GAD2: variants seen among roughly 807,000 people sequenced by gnomAD.
GAD2 encodes 65 kDa glutamic acid decarboxylase.
In GAD2, 22 loss-of-function variants were observed where a neutral mutation model predicts 80.1. The ratio of observed to expected loss-of-function variants is 0.27; its 90% CI spans 0.20 to 0.39. The LOEUF (loss-of-function observed/expected upper bound fraction) is 0.39. GAD2 is among the 10% of genes least tolerant of loss of function. The pLI is 1.00. For missense variants in GAD2, 624 were observed against 738.4 expected (o/e 0.85, Z 1.80); for synonymous variants, 274 against 256.9 (o/e 1.07, Z -0.64).
Position 26,236,754 on chromosome 10 carries a change from C to T in GAD2, c.840+6977C>T, listed in dbSNP as rs79156593. The stretch of plus-strand genomic sequence containing the variant: ...ACTTCCACAAAATGTATTGCTCCCC[C>T]CTTAGTCGGAACTGACAGTGAGTGA... On this transcript the variant is annotated intron_variant, in intron 7 of 15. Coordinates refer to ENST00000376261, the MANE Select transcript of GAD2 (RefSeq NM_001134366.2). Among the ~76,000 whole-genome samples the T allele has an allele frequency of 2.0e-5, 3 of 152,300 alleles. No homozygotes were observed. The South Asian group carries it at 6.2e-4, about 32-fold the overall frequency.
intron 8 of GAD2, among the ~76,000 whole-genome samples, chr10:26,253,974 T>C (rs1844913266): frequency 6.6e-6 from 1 of 152,214 alleles, no homozygotes; most frequent in Non-Finnish European, 1.5e-5. Context: ...AGGATGAAAC[T>C]GTTCCACCTC....
intron 12 of GAD2, among the ~76,000 whole-genome samples, chr10:26,281,706 G>A (rs1334464849): frequency 6.6e-6 from 1 of 152,164 alleles, no homozygotes; most frequent in Non-Finnish European, 1.5e-5. Flanking sequence ...AAACCATCTT[G>A]AAAGATGGTT....
rs750999217 is a variant in GAD2, at chr10:26,217,798, C to G, written c.137-44C>G. The G allele has an allele frequency of 1.7e-5, 27 of 1,581,658 alleles. No individual in the cohort carries two copies. The African/African-American group carries it at 3.5e-4, about 21-fold the overall frequency. On this transcript the variant is annotated intron_variant, in intron 2 of 15. Coordinates refer to ENST00000376261, the MANE Select transcript of GAD2 (RefSeq NM_001134366.2). This position sits in a 1 kb window ranked among gnomAD's most constrained non-coding sequence, Gnocchi z 4.9. ...GTAGGCGGGAGCGAGGGAGCCGGGC[C>G]CGGCGGAGGATTGACGAGGCCCGCG...
intron 6 of GAD2, among the ~76,000 whole-genome samples, chr10:26,227,716 C>G (rs1258194139): frequency 1.3e-5 from 2 of 152,152 alleles, no homozygotes; most frequent in Non-Finnish European, 2.9e-5. Context: ...TCAGCCCTCA[C>G]CAGTTATGTT....
intron 15 of GAD2, among the ~76,000 whole-genome samples, chr10:26,296,925 T>A (rs1032600412): frequency 1.3e-5 from 2 of 152,220 alleles, no homozygotes; most frequent in African/African-American, 2.4e-5. Flanking sequence ...TTAGAATTTT[T>A]TTTTTTTAAG....
At chr10:26,235,022 G>A (rs1844654121) in intron 7 of GAD2, among the ~76,000 whole-genome samples, 1 of 152,126 alleles carries the variant, frequency 6.6e-6, no homozygotes, top group African/African-American at 2.4e-5. Context: ...ACAGGTGCAT[G>A]CCACCACACC....
chr10:26,218,851 C>A (rs1030717278), intron 3 of GAD2, among the ~76,000 whole-genome samples, 192 bp from the exon 4 acceptor site: 1 of 152,120 alleles, frequency 6.6e-6, no homozygotes, highest in African/African-American at 2.4e-5. Flanking sequence ...GAGAAGAAAT[C>A]ATAATTTATC....
At chr10:26,243,527 G>A (rs944430447) in intron 7 of GAD2, among the ~76,000 whole-genome samples, 2 of 152,178 alleles carry the variant, frequency 1.3e-5, no homozygotes, top group African/African-American at 4.8e-5. Flanking sequence ...AGTACAGCTG[G>A]GCTTAGGTTA....
At chr10:26,249,530 C>T (rs1331100065) in intron 8 of GAD2, among the ~76,000 whole-genome samples, 1 of 152,236 alleles carries the variant, frequency 6.6e-6, no homozygotes, top group Non-Finnish European at 1.5e-5. Context: ...GGCCGTGGCC[C>T]GCTGGCCTAG....
intron 11 of GAD2, among the ~76,000 whole-genome samples, chr10:26,279,796 A>G (rs929863296): frequency 6.6e-6 from 1 of 151,920 alleles, no homozygotes; most frequent in African/African-American, 2.4e-5. Flanking sequence ...AAAAGATGGA[A>G]CTCTCCCCTG....
At chr10:26,283,501 G>A (rs1845296237) in intron 12 of GAD2, among the ~76,000 whole-genome samples, 3 of 152,234 alleles carry the variant, frequency 2.0e-5, no homozygotes, top group South Asian at 4.2e-4. Context: ...AGCTCTACAG[G>A]GTCAACAACG....
chr10:26,238,665 C>G (rs937724124), intron 7 of GAD2, among the ~76,000 whole-genome samples: 3 of 152,218 alleles, frequency 2.0e-5, no homozygotes, highest in African/African-American at 4.8e-5. Context: ...ACCTGCGAAT[C>G]ACACAGTCTC....
At chr10:26,218,496 T>TG (rs1844410650) in intron 3 of GAD2, among the ~76,000 whole-genome samples, 1 of 151,344 alleles carries the variant, frequency 6.6e-6, no homozygotes, top group Non-Finnish European at 1.5e-5. Context: ...GTCTCCCAAA[T>TG]GTACGCGCGC....
chr10:26,285,210 T>C (rs1845318222), intron 12 of GAD2, among the ~76,000 whole-genome samples: 1 of 152,364 alleles, frequency 6.6e-6, no homozygotes, highest in South Asian at 2.1e-4. Context: ...AAGCCTAAAC[T>C]ACAAGGTAGA....
intron 8 of GAD2, among the ~76,000 whole-genome samples, chr10:26,255,878 A>G (rs1222414371): frequency 6.7e-6 from 1 of 148,250 alleles, no homozygotes; most frequent in African/African-American, 2.5e-5. Flanking sequence ...CGGGAGAGTG[A>G]TGTGTGATGG....
In GAD2 at chr10:26,303,988, C is replaced by G. The variant is rs1262650122; in HGVS notation, c.*3027C>G. ...ATTTGCATCTGTTCCTGTTCTCTCT[C>G]TCTCTCTCTTTCCTAACTATATGCC... On this transcript the variant is annotated 3_prime_UTR_variant, in exon 16 of 16. Transcript: ENST00000376261. 8 of 152,158 alleles carry G rather than the reference C, an allele frequency of 5.3e-5. No homozygotes were observed. Among genetic ancestry groups the G allele is most frequent in the Admixed American group, 5.2e-4 (8 of 15,272 alleles). 9.4% of individuals were successfully genotyped at this position (152,158 alleles called of 1,614,324 possible).
chr10:26,221,562 C>A (rs745336533), intron 4 of GAD2, among the ~76,000 whole-genome samples: 2 of 152,190 alleles, frequency 1.3e-5, no homozygotes, highest in Non-Finnish European at 2.9e-5. Flanking sequence ...AATTAAGCGT[C>A]AGTAGATGAG....
intron 12 of GAD2, among the ~76,000 whole-genome samples, chr10:26,285,771 T>C (rs1046760048): frequency 7.0e-6 from 1 of 143,708 alleles, no homozygotes; most frequent in Non-Finnish European, 1.6e-5. Flanking sequence ...TATGTGGGTT[T>C]TTTTTTTTTT....
At chr10:26,240,454 A>G (rs77675660) in intron 7 of GAD2, among the ~76,000 whole-genome samples, 2,826 of 152,256 alleles carry the variant, frequency 0.019, 88 homozygotes, top group African/African-American at 0.063. Context: ...TGGTTTACCT[A>G]CATATATTTT....
Sources: gnomAD v4.1 joint callset for allele counts (sites outside exome capture counted in the v4.1 genomes callset) on GRCh38, gnomAD v4.1.1 for gene constraint, Gnocchi (gnomAD v3.1) non-coding constraint, MANE v1.5 for transcripts, NCBI Gene and HGNC (gene_info 2026-07-23, HGNC 2026-07-21) for gene names.